CDC27: variants seen among roughly 807,000 people sequenced by gnomAD.
CDC27 encodes the protein cell division cycle 27.
In CDC27, 27 loss-of-function variants were observed where a neutral mutation model predicts 109.7. The observed-to-expected ratio is 0.25, with a 90% CI of 0.18 to 0.34. The LOEUF is 0.34. CDC27 is among the 10% of genes least tolerant of loss of function. The pLI, the probability that CDC27 is intolerant of heterozygous loss-of-function variation, is 1.00. For missense variants in CDC27, 579 were observed against 960.2 expected, an observed-to-expected ratio of 0.60 and a Z score of 5.25; for synonymous variants, 266 against 333.9, an observed-to-expected ratio of 0.80 and a Z score of 2.22.
In CDC27 at chr17:47,143,943, GGGA is replaced by G; in HGVS notation, c.1107_1109del (p.Pro371del). On this transcript the variant is annotated inframe_deletion, in exon 10 of 19. Transcript: ENST00000066544. Reference sequence around the variant, plus strand: ...AACTTCTTCGAGGCAGTGCGTTTGGGGGAGATGTAATAGTGGGGCTCAATACCT... The same window carrying G: ...AACTTCTTCGAGGCAGTGCGTTTGGGGATGTAATAGTGGGGCTCAATACCT... 6.7e-7 allele frequency: 1 copy of G among 1,493,086 alleles called. No individual in the cohort carries two copies. Among genetic ancestry groups the G allele is most frequent in the East Asian group, 2.5e-5 (1 of 39,340 alleles). 92.5% of individuals were successfully genotyped at this position (1,493,086 alleles called of 1,614,324 possible).
chr17:47,157,683 C>T (rs962826735), intron 5 of CDC27, among the ~76,000 whole-genome samples: 4 of 152,220 alleles, frequency 2.6e-5, no homozygotes, highest in African/African-American at 7.2e-5. Flanking sequence ...ATAACTAGAT[C>T]TCATTTTTCT....
intron 5 of CDC27, 30 bp downstream of exon 5, chr17:47,158,176 C>T: frequency 3.0e-6 from 3 of 984,990 alleles, no homozygotes; most frequent in South Asian, 1.8e-5. Flanking sequence ...GAGATGGGAA[C>T]CCACCCACCT....
In CDC27 at chr17:47,123,878, G is replaced by C. The variant is rs767736866; in HGVS notation, c.2235+8C>G. On this transcript the variant is annotated splice_region_variant and intron_variant, in intron 17 of 18. Coordinates refer to ENST00000066544, the MANE Select transcript of CDC27 (RefSeq NM_001256.6). Reference sequence around the variant, plus strand: ...GTCACTGTTTGGGACCATGACCCCAGTCTTTACCTTTCCTATTAAGAAGTA... The same window carrying C: ...GTCACTGTTTGGGACCATGACCCCACTCTTTACCTTTCCTATTAAGAAGTA... 6.3e-7 allele frequency: 1 copy of C among 1,577,818 alleles called. No homozygotes were observed. Among genetic ancestry groups the C allele is most frequent in the South Asian group, 1.2e-5 (1 of 85,084 alleles).
intron 4 of CDC27, 86 bp downstream of exon 4, chr17:47,169,831 A>G (rs2063760655): frequency 3.5e-6 from 4 of 1,155,220 alleles, no homozygotes; most frequent in Admixed American, 2.8e-5. Flanking sequence ...AATATTTGAT[A>G]AACACTGATC....
At chr17:47,168,003 C>T (rs930427708) in intron 4 of CDC27, among the ~76,000 whole-genome samples, 5 of 152,262 alleles carry the variant, frequency 3.3e-5, no homozygotes, top group East Asian at 3.9e-4. Context: ...GTGCATAGGG[C>T]GAGGCATGGG....
At chr17:47,156,442 C>T (rs910612329) in intron 7 of CDC27, among the ~76,000 whole-genome samples, 2 of 150,524 alleles carry the variant, frequency 1.3e-5, no homozygotes, top group Non-Finnish European at 3.0e-5. Context: ...CTGGCCAGTC[C>T]AATATTCAAT....
chr17:47,184,046 A>G (rs2064339596), intron 1 of CDC27, among the ~76,000 whole-genome samples: 1 of 152,346 alleles, frequency 6.6e-6, no homozygotes. Context: ...TACATGTTTA[A>G]TTTTGCTGTA....
At chr17:47,121,194 A>G (rs1275268518) in intron 18 of CDC27, among the ~76,000 whole-genome samples, 177 bp from the exon 19 acceptor site, 1 of 152,176 alleles carries the variant, frequency 6.6e-6, no homozygotes, top group Non-Finnish European at 1.5e-5. Context: ...ACTTTATAAT[A>G]GGTCTGATAT....
intron 14 of CDC27, among the ~76,000 whole-genome samples, chr17:47,136,164 A>AAAC (rs1568380718): frequency 1.3e-5 from 2 of 151,386 alleles, no homozygotes; most frequent in Non-Finnish European, 2.9e-5. Flanking sequence ...AACAAACAAA[A>AAAC]AAAAAACTGA....
At chr17:47,174,978 G>GACAGA (rs1246786953) in intron 2 of CDC27, among the ~76,000 whole-genome samples, 1 of 115,026 alleles carries the variant, frequency 8.7e-6, no homozygotes. Flanking sequence ...AACAGGACAG[G>GACAGA]ACAGGACAGG....
intron 10 of CDC27, among the ~76,000 whole-genome samples, chr17:47,143,386 T>G (rs1568396363): frequency 6.6e-6 from 1 of 152,228 alleles, no homozygotes; most frequent in Non-Finnish European, 1.5e-5. Flanking sequence ...AGTACAATAT[T>G]ATCAGCTAAA....
intron 1 of CDC27, among the ~76,000 whole-genome samples, chr17:47,184,863 C>T (rs2064372175): frequency 6.6e-6 from 1 of 152,112 alleles, no homozygotes; most frequent in African/African-American, 2.4e-5. Flanking sequence ...ATGGTGTGGG[C>T]CTTCCCTTAA....
chr17:47,158,175 A>C, intron 5 of CDC27, 31 bp downstream of exon 5: 1 of 958,806 alleles, frequency 1.0e-6, no homozygotes, highest in Non-Finnish European at 1.5e-6. Flanking sequence ...GGAGATGGGA[A>C]CCCACCCACC....
intron 2 of CDC27, chr17:47,181,132 G>A (rs953135033): frequency 5.4e-5 from 8 of 149,304 alleles, no homozygotes; most frequent in African/African-American, 1.7e-4. Context: ...GTCCGTGCCT[G>A]CGGTCCCAGC....
intron 15 of CDC27, among the ~76,000 whole-genome samples, chr17:47,130,620 A>C (rs888284255): frequency 6.6e-6 from 1 of 152,120 alleles, no homozygotes; most frequent in African/African-American, 2.4e-5. Context: ...CACGCCTGTA[A>C]TCCCAGCACT....
At chr17:47,140,078 G>C (rs1373437439) in intron 12 of CDC27, 1 of 152,108 alleles carries the variant, frequency 6.6e-6, no homozygotes, top group Non-Finnish European at 1.5e-5. Flanking sequence ...CAGAAAATAA[G>C]AGCATTTTAA....
rs879473834 is a variant in CDC27 at position 47,145,897 on chromosome 17, C to CA, written c.1071-1916dup. Among the ~76,000 whole-genome samples, 217 of 141,664 alleles carry CA rather than the reference C, an allele frequency of 1.5e-3. 1 individual carries two copies. The highest frequency in any genetic ancestry group is 3.4e-3 in the African/African-American group (131 of 38,684). The allele number at this position is 141,664 out of a possible 152,430, so 92.9% of individuals were successfully genotyped here. A position where few individuals can be genotyped will look rare whatever the true frequency, so the allele number is the denominator to read the frequency against. Reference sequence around the variant, plus strand: ...GGGCGACAACAGCGAAACTCTGTCTCAAAAAAAAAAAAGTCAACCATGTGA... The same window carrying CA: ...GGGCGACAACAGCGAAACTCTGTCTCAAAAAAAAAAAAAGTCAACCATGTGA... On this transcript the variant is annotated intron_variant, in intron 9 of 18. Coordinates refer to ENST00000066544, the MANE Select transcript of CDC27 (RefSeq NM_001256.6).
rs762760080 is a variant in CDC27 at position 47,120,887 on chromosome 17, C to T, written c.*48G>A. ...TCAGTATACAGAGGGACAAGAAACA[C>T]GTCAGCACTAGTCACACATCCAGTT... On this transcript the variant is annotated 3_prime_UTR_variant, in exon 19 of 19. Transcript: ENST00000066544. 58 of 1,331,650 alleles carry T rather than the reference C, an allele frequency of 4.4e-5. No individual in the cohort carries two copies. The highest frequency in any genetic ancestry group is 6.0e-5 in the Non-Finnish European group (56 of 928,030). 82.5% of individuals were successfully genotyped at this position (1,331,650 alleles called of 1,614,324 possible). A position where few individuals can be genotyped will look rare whatever the true frequency, so the allele number is the denominator to read the frequency against.
chr17:47,160,929 C>T (rs2063479251), intron 4 of CDC27: 1 of 152,194 alleles, frequency 6.6e-6, no homozygotes, highest in African/African-American at 2.4e-5. Context: ...TCTAGCTTCC[C>T]ACACTTGTGT....
Sources: gnomAD v4.1 joint callset for allele counts (sites outside exome capture counted in the v4.1 genomes callset) on GRCh38, gnomAD v4.1.1 for gene constraint, MANE v1.5 for transcripts, NCBI Gene and HGNC (gene_info 2026-07-23, HGNC 2026-07-21) for gene names.